PDS5B: variants seen among roughly 807,000 people sequenced by gnomAD.
PDS5B encodes the protein sister chromatid cohesion protein PDS5 homolog B.
In PDS5B, 51 loss-of-function variants were observed where a neutral mutation model predicts 184.1. That is an observed-to-expected ratio of 0.28 (90% confidence interval 0.22 to 0.35). PDS5B has a LOEUF of 0.35. Ranked by LOEUF, PDS5B falls within the 10% of genes least tolerant of loss-of-function variation. The pLI is 1.00. For synonymous variants in PDS5B, 566 were observed against 569.2 expected (o/e 0.99, Z 0.08); for missense variants, 1,180 against 1,723.3 (o/e 0.68, Z 5.58).
At chr13:32,725,703 A>G (rs73452723) in intron 19 of PDS5B, among the ~76,000 whole-genome samples, 1,598 of 152,250 alleles carry the variant, frequency 0.01, 40 homozygotes, top group African/African-American at 0.036. Context: ...TCAATTTTAC[A>G]TTTATATCTC....
intron 1 of PDS5B, among the ~76,000 whole-genome samples, chr13:32,618,154 G>A (rs2058246113): frequency 6.6e-6 from 1 of 152,124 alleles, no homozygotes; most frequent in Admixed American, 6.5e-5. Flanking sequence ...AAGCACTCAG[G>A]CCCCAGCCTC....
At chr13:32,675,297 A>T (rs1370826765) in intron 8 of PDS5B, among the ~76,000 whole-genome samples, 1 of 152,214 alleles carries the variant, frequency 6.6e-6, no homozygotes, top group African/African-American at 2.4e-5. Flanking sequence ...AATATAATAT[A>T]TAAAACAAAT....
intron 18 of PDS5B, among the ~76,000 whole-genome samples, chr13:32,709,672 TCAAA>T (rs1952140089): frequency 6.6e-6 from 1 of 152,086 alleles, no homozygotes; most frequent in South Asian, 2.1e-4. Context: ...TGAACAATAA[TCAAA>T]ATCTAAATTA....
intron 31 of PDS5B, among the ~76,000 whole-genome samples, chr13:32,767,957 C>A (rs17077817): frequency 0.014 from 2,069 of 152,180 alleles, 21 homozygotes; most frequent in Non-Finnish European, 0.02. Flanking sequence ...AAATATTATT[C>A]TTGTTCAAAA....
At position 32,707,187 on chromosome 13, in the gene PDS5B, A is replaced by G. The variant is rs576079391; in HGVS notation, c.1962+148A>G. ...GTTTTAGATGATTTAGAAGTTGTAT[A>G]TTTATTCTTACATGTAATCTGATTA... On this transcript the variant is annotated intron_variant, in intron 18 of 34. Coordinates refer to ENST00000315596, the MANE Select transcript of PDS5B (RefSeq NM_015032.4). 49 of 495,786 alleles carry G rather than the reference A, an allele frequency of 9.9e-5. No homozygotes were observed. The East Asian group carries it at 1.2e-3, about 12-fold the overall frequency. 30.7% of individuals were successfully genotyped at this position (495,786 alleles called of 1,614,324 possible).
chr13:32,722,338 G>C (rs558326545), intron 19 of PDS5B, among the ~76,000 whole-genome samples: 1 of 152,252 alleles, frequency 6.6e-6, no homozygotes, highest in African/African-American at 2.4e-5. Flanking sequence ...GAGGGAGACC[G>C]TGGAAAGCGG....
intron 3 of PDS5B, among the ~76,000 whole-genome samples, chr13:32,657,188 A>G (rs1306424037): frequency 6.6e-6 from 1 of 152,178 alleles, no homozygotes; most frequent in Non-Finnish European, 1.5e-5. Flanking sequence ...GCCTCCCACT[A>G]TTATTGTGTC....
intron 3 of PDS5B, among the ~76,000 whole-genome samples, chr13:32,654,363 T>A (rs1372457302): frequency 6.6e-6 from 1 of 152,180 alleles, no homozygotes; most frequent in Non-Finnish European, 1.5e-5. Context: ...TGGCTTCATG[T>A]TTAGGCAGTA....
chr13:32,655,355 TTGC>T (rs1950476293), intron 3 of PDS5B, among the ~76,000 whole-genome samples: 1 of 62,012 alleles, frequency 1.6e-5, no homozygotes, highest in South Asian at 7.1e-4. Flanking sequence ...TTCATGTTCT[TTGC>T]CATATATATA....
chr13:32,711,451 A>G (rs912357541), intron 19 of PDS5B, among the ~76,000 whole-genome samples: 1 of 151,948 alleles, frequency 6.6e-6, no homozygotes. Context: ...TCTGCCTCCC[A>G]GGTTCAAGCA....
intron 1 of PDS5B, among the ~76,000 whole-genome samples, chr13:32,613,530 A>G (rs774039385): frequency 2.0e-5 from 3 of 152,118 alleles, no homozygotes; most frequent in Non-Finnish European, 2.9e-5. Flanking sequence ...GGCTATTTGT[A>G]TATCTTCTCT....
intron 1 of PDS5B, among the ~76,000 whole-genome samples, chr13:32,619,495 C>T (rs778960138): frequency 1.2e-4 from 18 of 152,240 alleles, no homozygotes; most frequent in Non-Finnish European, 2.6e-4. Context: ...ATAGAACTTG[C>T]AGGACTAGAA....
rs537672544 is a variant in PDS5B, at chr13:32,644,253, G to A, written c.-19-4501G>A. Among the ~76,000 whole-genome samples, 197 of 152,244 alleles carry A rather than the reference G, an allele frequency of 1.3e-3. 2 individuals are homozygous for A. The highest frequency in any genetic ancestry group is 2.4e-4 in the Non-Finnish European group (16 of 68,012). On this transcript the variant is annotated intron_variant, in intron 1 of 34. Coordinates refer to ENST00000315596, the MANE Select transcript of PDS5B (RefSeq NM_015032.4). ...AGGACAATTTTTTGACTTTATGATG[G>A]TGTGAAGGCAATACACATTTGGTAT...
intron 19 of PDS5B, among the ~76,000 whole-genome samples, chr13:32,711,030 G>C (rs184085593): frequency 1.3e-5 from 2 of 149,060 alleles, no homozygotes; most frequent in East Asian, 3.9e-4. Flanking sequence ...TCACTCTGTT[G>C]CCCATGCTGG....
intron 1 of PDS5B, among the ~76,000 whole-genome samples, chr13:32,611,768 C>G (rs1055982589): frequency 4.6e-5 from 7 of 151,990 alleles, no homozygotes; most frequent in African/African-American, 1.7e-4. Context: ...CTCAGCCTCC[C>G]AAAGTGCTGG....
At chr13:32,765,326 A>G (rs936310257) in intron 31 of PDS5B, among the ~76,000 whole-genome samples, 2 of 152,220 alleles carry the variant, frequency 1.3e-5, no homozygotes, top group Non-Finnish European at 2.9e-5. Flanking sequence ...TATCAGAGTA[A>G]GTGACTTAGC....
chr13:32,645,737 A>C (rs958442245), intron 1 of PDS5B, among the ~76,000 whole-genome samples: 11 of 152,192 alleles, frequency 7.2e-5, no homozygotes, highest in African/African-American at 2.7e-4. Flanking sequence ...TATAACATAC[A>C]TTCAGGAAAG....
intron 1 of PDS5B, among the ~76,000 whole-genome samples, chr13:32,629,143 C>G (rs976724955): frequency 8.5e-5 from 13 of 152,188 alleles, no homozygotes; most frequent in African/African-American, 3.1e-4. Context: ...TCAATTCAGC[C>G]AGAGCAGCTC....
At chr13:32,766,138 C>T (rs1286512381) in intron 31 of PDS5B, among the ~76,000 whole-genome samples, 4 of 152,152 alleles carry the variant, frequency 2.6e-5, no homozygotes, top group South Asian at 4.1e-4. Context: ...CTGGTCACCA[C>T]GTTGAAAATG....
Sources: gnomAD v4.1 joint callset for allele counts (sites outside exome capture counted in the v4.1 genomes callset) on GRCh38, gnomAD v4.1.1 for gene constraint, MANE v1.5 for transcripts, NCBI Gene and HGNC (gene_info 2026-07-23, HGNC 2026-07-21) for gene names.